AGBL1: variants seen among roughly 807,000 people sequenced by gnomAD.
The protein encoded by AGBL1 is cytosolic carboxypeptidase 4.
AGBL1 carries 130 observed loss-of-function variants against 118.9 expected under a neutral mutation model. The ratio of observed to expected loss-of-function variants is 1.09; its 90% CI spans 0.95 to 1.26. The LOEUF (loss-of-function observed/expected upper bound fraction) is 1.26. Among genes scored for constraint, AGBL1 ranks in the 50% most tolerant of loss-of-function variants. The probability of loss-of-function intolerance (pLI) is 0.00; values close to 1 mark genes in which losing one functional copy is unlikely to be tolerated. For missense variants in AGBL1, 1,584 were observed against 1,298.1 expected (o/e 1.22, Z -3.38); for synonymous variants, 555 against 478.9 (o/e 1.16, Z -2.08).
At chr15:86,622,129 A>C (rs1450767856) in intron 21 of AGBL1, among the ~76,000 whole-genome samples, 1 of 152,160 alleles carries the variant, frequency 6.6e-6, no homozygotes, top group Non-Finnish European at 1.5e-5. Flanking sequence ...GGAGCTCGAG[A>C]CCAGCCTGGC....
intron 21 of AGBL1, among the ~76,000 whole-genome samples, chr15:86,659,474 A>C (rs778362630): frequency 6.6e-5 from 10 of 152,100 alleles, no homozygotes; most frequent in Non-Finnish European, 1.2e-4. Flanking sequence ...TCTGTGCCCA[A>C]TATTGGGGTT....
intron 19 of AGBL1, among the ~76,000 whole-genome samples, chr15:86,525,558 A>G (rs1359365183): frequency 6.6e-6 from 1 of 152,196 alleles, no homozygotes; most frequent in Non-Finnish European, 1.5e-5. Context: ...GGAACAGAAT[A>G]GAGAACCCAG....
chr15:86,467,953 A>G (rs1697720843), intron 18 of AGBL1, among the ~76,000 whole-genome samples: 1 of 152,110 alleles, frequency 6.6e-6, no homozygotes, highest in South Asian at 2.1e-4. Flanking sequence ...ATCCTGCTGC[A>G]TCATTTCTGC....
At chr15:86,964,372 C>T (rs886625002) in intron 23 of AGBL1, among the ~76,000 whole-genome samples, 2 of 151,796 alleles carry the variant, frequency 1.3e-5, no homozygotes, top group African/African-American at 4.8e-5. Flanking sequence ...TGATTGCTAC[C>T]CACTAGATGT....
chr15:86,530,251 A>G (rs1023664478), intron 19 of AGBL1, among the ~76,000 whole-genome samples: 4 of 127,318 alleles, frequency 3.1e-5, no homozygotes, highest in Middle Eastern at 3.5e-3. Flanking sequence ...TGAAAATAAA[A>G]GGATGGAGGA....
At chr15:86,662,704 G>C (rs1006153457) in intron 21 of AGBL1, among the ~76,000 whole-genome samples, 1 of 152,134 alleles carries the variant, frequency 6.6e-6, no homozygotes, top group African/African-American at 2.4e-5. Flanking sequence ...TCTGGCTTAG[G>C]CTTCTTATTT....
intron 17 of AGBL1, among the ~76,000 whole-genome samples, chr15:86,343,054 G>C (rs544650085): frequency 6.6e-6 from 1 of 152,128 alleles, no homozygotes; most frequent in African/African-American, 2.4e-5. Context: ...AGTCTTGGGG[G>C]TCAAGGATAA....
chr15:86,822,455 C>G lies in AGBL1; in HGVS notation c.3159-84632C>G, dbSNP rs546945523. Among the ~76,000 whole-genome samples the G allele has an allele frequency of 6.6e-5, 10 of 152,128 alleles. No individual in the cohort carries two copies. The South Asian group carries it at 2.1e-3, about 31-fold the overall frequency. ...TTTTATAATGTCTGTTCTGCAGTGG[C>G]ATCACCATCTCTGTGACCTTCACCT... On this transcript the variant is annotated intron_variant, in intron 22 of 22. Coordinates refer to ENST00000614907, the MANE Select transcript of AGBL1 (RefSeq NM_001386094.1).
intron 22 of AGBL1, among the ~76,000 whole-genome samples, chr15:86,890,162 T>C (rs1005350927): frequency 1.3e-5 from 2 of 152,224 alleles, no homozygotes; most frequent in African/African-American, 2.4e-5. Flanking sequence ...GTTGAGCTTT[T>C]TTTGCACATG....
intron 6 of AGBL1, among the ~76,000 whole-genome samples, chr15:86,237,638 C>G (rs1004187497): frequency 2.6e-5 from 4 of 152,110 alleles, no homozygotes; most frequent in African/African-American, 9.7e-5. Context: ...GTACTTCCTT[C>G]CCCACCCACA....
At chr15:87,002,299 A>G (rs1323822093) in intron 24 of AGBL1, among the ~76,000 whole-genome samples, 2 of 151,878 alleles carry the variant, frequency 1.3e-5, no homozygotes, top group Non-Finnish European at 2.9e-5. Flanking sequence ...GATGTGTGGT[A>G]TTATTTCTGA....
chr15:86,670,853 T>A (rs943100830), intron 21 of AGBL1, among the ~76,000 whole-genome samples: 1 of 152,038 alleles, frequency 6.6e-6, no homozygotes, highest in South Asian at 2.1e-4. Context: ...GACCTGATGT[T>A]TGTCTTACAG....
At chr15:86,514,934 A>G (rs1431013894) in intron 18 of AGBL1, among the ~76,000 whole-genome samples, 2 of 152,180 alleles carry the variant, frequency 1.3e-5, no homozygotes, top group Admixed American at 6.5e-5. Context: ...CCTAAAAATT[A>G]CCACTCCATA....
In AGBL1 at chr15:86,389,428, T is replaced by C. The variant is rs76619059; in HGVS notation, c.2375-7938T>C. 8.4e-3 allele frequency among the ~76,000 whole-genome samples: 1,283 copies of C among 152,160 alleles called. 6 individuals carry two copies. The highest frequency in any genetic ancestry group is 0.02 in the Middle Eastern group (6 of 294). On this transcript the variant is annotated intron_variant, in intron 17 of 22. Transcript: ENST00000614907. ...GATACGATTTTATGCCCAGCAAAAA[T>C]ATTTTTCAAAACTGAGGATAAAATG...
intron 22 of AGBL1, among the ~76,000 whole-genome samples, chr15:86,901,810 G>A (rs1440209442): frequency 6.6e-6 from 1 of 152,012 alleles, no homozygotes; most frequent in Non-Finnish European, 1.5e-5. Flanking sequence ...AACCTACATA[G>A]TTTTTATTGC....
chr15:87,018,801 T>C (rs1219296729), intron 24 of AGBL1, among the ~76,000 whole-genome samples: 1 of 152,038 alleles, frequency 6.6e-6, no homozygotes, highest in Non-Finnish European at 1.5e-5. Flanking sequence ...ATAGGCAAAA[T>C]GCCCCAATGA....
At chr15:86,328,290 C>T (rs917250424) in intron 17 of AGBL1, among the ~76,000 whole-genome samples, 6 of 151,864 alleles carry the variant, frequency 4.0e-5, no homozygotes, top group Non-Finnish European at 2.9e-5. Flanking sequence ...TAAATTGAGA[C>T]AAAGTGAACA....
intron 22 of AGBL1, among the ~76,000 whole-genome samples, chr15:86,701,161 T>C (rs2086351646): frequency 6.6e-6 from 1 of 152,144 alleles, no homozygotes; most frequent in Non-Finnish European, 1.5e-5. Flanking sequence ...AAGTAAATGA[T>C]GACATTCTGC....
At chr15:86,833,302 C>G (rs1488200481) in intron 22 of AGBL1, among the ~76,000 whole-genome samples, 1 of 151,950 alleles carries the variant, frequency 6.6e-6, no homozygotes, top group African/African-American at 2.4e-5. Flanking sequence ...GGCTGTGTCC[C>G]CACCCAAATC....
Sources: gnomAD v4.1 joint callset for allele counts (sites outside exome capture counted in the v4.1 genomes callset) on GRCh38, gnomAD v4.1.1 for gene constraint, MANE v1.5 for transcripts, NCBI Gene and HGNC (gene_info 2026-07-23, HGNC 2026-07-21) for gene names.